The following TM9SF2 variants were observed in gnomAD, a reference collection of about 807,000 sequenced individuals.
TM9SF2 encodes transmembrane 9 superfamily member 2.
In TM9SF2, 13 loss-of-function variants were observed where a neutral mutation model predicts 84.9. The observed-to-expected ratio is 0.15, with a 90% CI of 0.10 to 0.24. The LOEUF (loss-of-function observed/expected upper bound fraction) is 0.24, where lower values mean the gene tolerates loss of function less well. TM9SF2 is among the 10% of genes least tolerant of loss of function. The probability of loss-of-function intolerance (pLI) is 1.00; values close to 1 mark genes in which losing one functional copy is unlikely to be tolerated. For synonymous variants in TM9SF2, 273 were observed against 285.8 expected (o/e 0.96, Z 0.45); for missense variants, 562 against 818.5 (o/e 0.69, Z 3.82).
intron 4 of TM9SF2, 105 bp downstream of exon 4, chr13:99,529,699 T>TTG (rs1423182068): frequency 8.0e-7 from 1 of 1,245,602 alleles, no homozygotes; most frequent in Admixed American, 3.0e-5. Context: ...AGCAAATTAA[T>TTG]TGATTTCCTT....
chr13:99,548,060 G>A (rs552163570), intron 11 of TM9SF2, among the ~76,000 whole-genome samples: 9 of 152,248 alleles, frequency 5.9e-5, no homozygotes, highest in South Asian at 2.1e-4. Context: ...GCCATCATAC[G>A]GATTTTAATG....
chr13:99,533,680 A>G (rs1720847432), intron 4 of TM9SF2, among the ~76,000 whole-genome samples: 1 of 152,092 alleles, frequency 6.6e-6, no homozygotes, highest in Non-Finnish European at 1.5e-5. Context: ...TGTTGTTGAG[A>G]CAGAGTCTCG....
chr13:99,537,157 A>G (rs572545582), intron 5 of TM9SF2, among the ~76,000 whole-genome samples: 1 of 152,314 alleles, frequency 6.6e-6, no homozygotes, highest in Non-Finnish European at 1.5e-5. Context: ...TTAAAAATAG[A>G]TTAATCAAAT....
intron 16 of TM9SF2, among the ~76,000 whole-genome samples, chr13:99,562,118 G>A (rs2046347198): frequency 6.6e-6 from 1 of 152,278 alleles, no homozygotes; most frequent in African/African-American, 2.4e-5. Flanking sequence ...GACACACACA[G>A]TTTGTGACAG....
Position 99,501,723 on chromosome 13 carries a change from C to A in TM9SF2, c.117C>A (p.Pro39=), listed in dbSNP as rs368017686. Residue 39 remains proline, a synonymous_variant, in exon 1 of 17, where the codon CCC becomes CCA. Coordinates refer to ENST00000376387, the MANE Select transcript of TM9SF2 (RefSeq NM_004800.3). ...GPRRSGAFYL[P]GLAPVNFCDE... is the part of the protein sequence containing the mutation. ...GCCGGAGCGGCGCTTTCTACCTGCC[C>A]GGCCTGGCGCCCGTCAACTTCTGCG... 2 of 1,611,942 alleles carry A rather than the reference C, an allele frequency of 1.2e-6. No homozygotes were observed. The highest frequency in any genetic ancestry group is 3.4e-5 in the Admixed American group (2 of 59,644).
At chr13:99,531,558 T>C (rs775774433) in intron 4 of TM9SF2, among the ~76,000 whole-genome samples, 2 of 152,068 alleles carry the variant, frequency 1.3e-5, no homozygotes, top group African/African-American at 4.8e-5. Flanking sequence ...ATGAGCTAGT[T>C]TGTGATGGGA....
chr13:99,554,137 G>C (rs2139110360), intron 13 of TM9SF2, among the ~76,000 whole-genome samples, 167 bp from the exon 14 acceptor site: 1 of 152,280 alleles, frequency 6.6e-6, no homozygotes, highest in African/African-American at 2.4e-5. Context: ...GATGGTACCT[G>C]GATGATGGCT....
At position 99,543,952 on chromosome 13, in the gene TM9SF2, A is replaced by G; in HGVS notation, c.1107A>G (p.Leu369=). Residue 369 remains leucine, a synonymous_variant, in exon 10 of 17, where the codon CTA becomes CTG. Transcript: ENST00000376387. ...AAGGGATGCTGCTATCAGTCTTTCT[A>G]GGATCCGGGACACAGATTTTAATTA... ...PRKGMLLSVF[L]GSGTQILIMT... 1 of 1,614,160 alleles carries G rather than the reference A, an allele frequency of 6.2e-7. No homozygotes were observed. Among genetic ancestry groups the G allele is most frequent in the Non-Finnish European group, 8.5e-7 (1 of 1,180,004 alleles).
chr13:99,555,005 G>C (rs1290561695), intron 14 of TM9SF2, among the ~76,000 whole-genome samples: 3 of 152,122 alleles, frequency 2.0e-5, no homozygotes, highest in Admixed American at 1.3e-4. Flanking sequence ...GCCATTCTGT[G>C]TGTGTGTATA....
Position 99,559,539 on chromosome 13 carries a change from A to G in TM9SF2, c.1924+5A>G. 6.3e-7 allele frequency: 1 copy of G among 1,579,700 alleles called. No individual in the cohort carries two copies. The highest frequency in any genetic ancestry group is 8.6e-7 in the Non-Finnish European group (1 of 1,166,766). Reference sequence around the variant, plus strand: ...TGATCTTCTTTCTTTTTACAGGTAAAATTATAATTTAAGTGATTATTTTTA... The same window carrying G: ...TGATCTTCTTTCTTTTTACAGGTAAGATTATAATTTAAGTGATTATTTTTA... On this transcript the variant is annotated splice_donor_5th_base_variant and intron_variant, in intron 16 of 16. Coordinates refer to ENST00000376387, the MANE Select transcript of TM9SF2 (RefSeq NM_004800.3).
At chr13:99,556,754 C>T (rs2046326407) in intron 15 of TM9SF2, among the ~76,000 whole-genome samples, 2 of 151,716 alleles carry the variant, frequency 1.3e-5, no homozygotes, top group Non-Finnish European at 1.5e-5. Context: ...TGGCTAATTG[C>T]TTCTTGTATT....
intron 1 of TM9SF2, among the ~76,000 whole-genome samples, chr13:99,502,155 CAT>C (rs1384992977): frequency 6.6e-6 from 1 of 152,216 alleles, no homozygotes; most frequent in Admixed American, 6.5e-5. Context: ...AGCCCTGTAA[CAT>C]GTACGCTGAG....
intron 15 of TM9SF2, 73 bp from the exon 16 acceptor site, chr13:99,559,290 T>C: frequency 7.4e-7 from 1 of 1,345,692 alleles, no homozygotes; most frequent in East Asian, 2.5e-5. Context: ...TTATGCTTGC[T>C]TTGAACCTTA....
In TM9SF2 at chr13:99,539,423, T is replaced by C. The variant is rs767810995; in HGVS notation, c.717-23T>C. On this transcript the variant is annotated intron_variant, in intron 6 of 16. Coordinates refer to ENST00000376387, the MANE Select transcript of TM9SF2 (RefSeq NM_004800.3). ...AAAAAGTTGTACTTTATCAGCATCTTGCCAAAATGTTTCTTCCCACAGCTT... is the reference window on the plus strand; with the variant it reads ...AAAAAGTTGTACTTTATCAGCATCTCGCCAAAATGTTTCTTCCCACAGCTT... The C allele has an allele frequency of 1.8e-5, 27 of 1,472,036 alleles. 1 individual carries two copies. The East Asian group carries it at 4.5e-4, about 25-fold the overall frequency. The allele number at this position is 1,472,036 out of a possible 1,614,324, so 91.2% of individuals were successfully genotyped here.
At chr13:99,527,840 AC>A (rs1407242036) in intron 3 of TM9SF2, among the ~76,000 whole-genome samples, 1 of 152,186 alleles carries the variant, frequency 6.6e-6, no homozygotes, top group Non-Finnish European at 1.5e-5. Context: ...TAATCCAACA[AC>A]CCTGCAAGGC....
rs34121466 is a variant in TM9SF2 at position 99,552,591 on chromosome 13, A to ACATTCATT, written c.1488+286_1488+293dup. Among the ~76,000 whole-genome samples the ACATTCATT allele has an allele frequency of 5.9e-4, 89 of 151,140 alleles. 1 individual carries two copies. Among genetic ancestry groups the ACATTCATT allele is most frequent in the South Asian group, 3.7e-3 (18 of 4,802 alleles). Reference sequence around the variant, plus strand: ...GAAATGCTGATATAAACTAATGAAAACATTCATTCATTCATTCATTCATTC... The same window carrying ACATTCATT: ...GAAATGCTGATATAAACTAATGAAAACATTCATTCATTCATTCATTCATTCATTCATTC... On this transcript the variant is annotated intron_variant, in intron 13 of 16. Coordinates refer to ENST00000376387, the MANE Select transcript of TM9SF2 (RefSeq NM_004800.3).
chr13:99,554,699 T>A (rs2046319062), intron 14 of TM9SF2, among the ~76,000 whole-genome samples: 1 of 152,232 alleles, frequency 6.6e-6, no homozygotes, highest in African/African-American at 2.4e-5. Context: ...TTCTTACTAC[T>A]TCATTCTCTG....
intron 4 of TM9SF2, among the ~76,000 whole-genome samples, chr13:99,532,553 G>T (rs2046215764): frequency 6.6e-6 from 1 of 152,020 alleles, no homozygotes; most frequent in African/African-American, 2.4e-5. Flanking sequence ...AGCCAGGTGT[G>T]GTGGCAGGCG....
intron 14 of TM9SF2, 142 bp downstream of exon 14, chr13:99,554,597 AT>A: frequency 4.5e-6 from 4 of 882,886 alleles, no homozygotes; most frequent in Non-Finnish European, 6.6e-6. Flanking sequence ...CCAAAAGCTT[AT>A]TTTTATCTTT....
Sources: gnomAD v4.1 joint callset for allele counts (sites outside exome capture counted in the v4.1 genomes callset) on GRCh38, gnomAD v4.1.1 for gene constraint, MANE v1.5 for transcripts, NCBI Gene and HGNC (gene_info 2026-07-23, HGNC 2026-07-21) for gene names.